ESRRG: variants seen among roughly 807,000 people sequenced by gnomAD.
ESRRG encodes the protein estrogen-related receptor gamma.
In ESRRG, 13 loss-of-function variants were observed where a neutral mutation model predicts 44.0. The ratio of observed to expected loss-of-function variants is 0.30; its 90% CI spans 0.19 to 0.47. The LOEUF is 0.47. Among genes scored for constraint, ESRRG ranks in the 20% least tolerant of loss-of-function variants. The pLI is 1.00. For missense variants in ESRRG, 395 were observed against 580.6 expected (o/e 0.68, Z 3.29); for synonymous variants, 215 against 214.6 (o/e 1.00, Z -0.02).
At chr1:216,776,466 G>C (rs1307243057) in intron 2 of ESRRG, among the ~76,000 whole-genome samples, 25 of 152,036 alleles carry the variant, frequency 1.6e-4, no homozygotes, top group Non-Finnish European at 2.8e-4. Flanking sequence ...ATAATCGCCT[G>C]TTCATGGGTC....
rs185348352 is a variant in ESRRG at position 216,828,777 on chromosome 1, G to A, written c.-14+110805C>T. On this transcript the variant is annotated intron_variant, in intron 2 of 7. Transcript: ENST00000359162. ...CAGTGACCAATAACTTTGTTGCTGT[G>A]TTCTCATTGATGCTAGAACCCATAT... is the stretch of plus-strand genomic sequence containing the variant. 5.3e-5 allele frequency among the ~76,000 whole-genome samples: 8 copies of A among 150,386 alleles called. No individual in the cohort carries two copies. The East Asian group carries it at 1.6e-3, about 29-fold the overall frequency.
intron 2 of ESRRG, among the ~76,000 whole-genome samples, chr1:216,920,383 AGTGTGTGT>A (rs10534433): frequency 1.2e-3 from 149 of 124,110 alleles, no homozygotes; most frequent in South Asian, 0.011. Flanking sequence ...AATGTATGGG[AGTGTGTGT>A]GTGTGTGTGT....
chr1:216,707,911 A>G (rs1429350330), intron 1 of ESRRG, among the ~76,000 whole-genome samples: 2 of 152,216 alleles, frequency 1.3e-5, no homozygotes, highest in Non-Finnish European at 2.9e-5. Context: ...GATTTTATTA[A>G]CTATCATTAA....
chr1:216,604,123 G>A (rs1416234445), intron 3 of ESRRG, among the ~76,000 whole-genome samples: 1 of 152,182 alleles, frequency 6.6e-6, no homozygotes, highest in Non-Finnish European at 1.5e-5. Context: ...GGAAACCACA[G>A]TAGGCACTTC....
chr1:216,769,446 T>C (rs1234846719), intron 2 of ESRRG, among the ~76,000 whole-genome samples: 1 of 151,998 alleles, frequency 6.6e-6, no homozygotes, highest in African/African-American at 2.4e-5. Flanking sequence ...GAGATGACAT[T>C]GGGAAAGATC....
chr1:216,574,832 A>T (rs1303905092), intron 3 of ESRRG, among the ~76,000 whole-genome samples: 1 of 152,164 alleles, frequency 6.6e-6, no homozygotes, highest in African/African-American at 2.4e-5. Context: ...GACTTCTGAA[A>T]CAATAAGGTA....
chr1:216,524,254 A>G (rs1002267936), intron 5 of ESRRG, among the ~76,000 whole-genome samples: 2 of 145,856 alleles, frequency 1.4e-5, no homozygotes, highest in Non-Finnish European at 3.0e-5. Flanking sequence ...TGTAAGTTAT[A>G]TATATATATA....
At chr1:216,526,326 G>T (rs916814808) in intron 5 of ESRRG, among the ~76,000 whole-genome samples, 3 of 152,090 alleles carry the variant, frequency 2.0e-5, no homozygotes, top group African/African-American at 7.2e-5. Context: ...TCATTAAAGT[G>T]GGCCCTAATG....
chr1:216,714,464 A>C, intron 1 of ESRRG: 1 of 335,476 alleles, frequency 3.0e-6, no homozygotes, highest in Non-Finnish European at 4.2e-6. Context: ...GGCAGCAGAG[A>C]AGTTCTATAA....
intron 1 of ESRRG, among the ~76,000 whole-genome samples, chr1:217,040,936 C>T (rs2083752359): frequency 6.6e-6 from 1 of 152,184 alleles, no homozygotes; most frequent in Non-Finnish European, 1.5e-5. Context: ...TACATCAACA[C>T]AGGGAATTCT....
At chr1:216,615,072 T>C (rs2061231339) in intron 3 of ESRRG, among the ~76,000 whole-genome samples, 1 of 152,218 alleles carries the variant, frequency 6.6e-6, no homozygotes, top group African/African-American at 2.4e-5. Flanking sequence ...TATTTTTAAC[T>C]ACTAGAATGG....
At chr1:216,701,022 A>G (rs1337233812) in intron 1 of ESRRG, among the ~76,000 whole-genome samples, 1 of 152,156 alleles carries the variant, frequency 6.6e-6, no homozygotes, top group Non-Finnish European at 1.5e-5. Flanking sequence ...CGACTTCAGA[A>G]TTTGTCGGTT....
rs535870107 is a variant in ESRRG, at chr1:216,516,315, C to T, written c.1132+2837G>A. 2.6e-5 allele frequency among the ~76,000 whole-genome samples: 4 copies of T among 152,126 alleles called. 1 individual carries two copies. The highest frequency in any genetic ancestry group is 4.2e-4 in the South Asian group (2 of 4,816). On this transcript the variant is annotated intron_variant, in intron 6 of 6. Coordinates refer to ENST00000408911, the MANE Select transcript of ESRRG (RefSeq NM_001438.4). ...CATATTGTTGTTTTGGCCACACACA[C>T]GAAGATAGAGTTTCCAGTGATGTTC...
chr1:216,608,244 T>C (rs1278365607), intron 3 of ESRRG, among the ~76,000 whole-genome samples: 1 of 152,218 alleles, frequency 6.6e-6, no homozygotes, highest in Non-Finnish European at 1.5e-5. Flanking sequence ...AACTTAAATA[T>C]TATCCTCCTT....
intron 2 of ESRRG, among the ~76,000 whole-genome samples, chr1:216,797,374 C>T (rs1032086565): frequency 2.0e-5 from 3 of 152,100 alleles, no homozygotes; most frequent in African/African-American, 4.8e-5. Flanking sequence ...GCTGTAACTC[C>T]TTAGGCTTCT....
At chr1:217,058,842 T>C (rs1035274984) in intron 1 of ESRRG, among the ~76,000 whole-genome samples, 12 of 150,512 alleles carry the variant, frequency 8.0e-5, no homozygotes, top group African/African-American at 2.7e-4. Context: ...GGAGTACTAA[T>C]AAGAACTCAT....
chr1:216,514,273 T>G (rs765348732), intron 6 of ESRRG, among the ~76,000 whole-genome samples: 2 of 152,118 alleles, frequency 1.3e-5, no homozygotes, highest in Non-Finnish European at 2.9e-5. Context: ...AATAATCCAG[T>G]AAAGGCAGCC....
intron 2 of ESRRG, among the ~76,000 whole-genome samples, chr1:216,874,091 C>T (rs2149248763): frequency 6.6e-6 from 1 of 151,888 alleles, no homozygotes; most frequent in South Asian, 2.1e-4. Context: ...CTGCCTCTAC[C>T]ACTCCTTAAG....
intron 1 of ESRRG, among the ~76,000 whole-genome samples, chr1:217,002,323 GAAAAA>G (rs10714133): frequency 4.3e-5 from 5 of 116,926 alleles, no homozygotes; most frequent in Non-Finnish European, 9.8e-5. Context: ...AAGAAAGAAA[GAAAAA>G]AAAAAAAGAA....
Sources: allele counts gnomAD v4.1 joint callset (sites outside exome capture counted in the v4.1 genomes callset), GRCh38; gene constraint gnomAD v4.1.1; transcripts MANE v1.5; gene names NCBI Gene and HGNC (gene_info 2026-07-23, HGNC 2026-07-21).